The following TMEM254 variants were observed in gnomAD, a reference collection of about 807,000 sequenced individuals.
TMEM254 encodes transmembrane protein 254, also known as transmembrane protein C10orf57.
A neutral mutation model predicts 13.9 loss-of-function variants in TMEM254; 16 were observed. That is an observed-to-expected ratio of 1.15 (90% CI 0.78 to 1.75). The LOEUF (loss-of-function observed/expected upper bound fraction) is 1.75, where lower values mean the gene tolerates loss of function less well. Among genes scored for constraint, TMEM254 ranks in the 40% most tolerant of loss-of-function variants. The pLI, the probability that TMEM254 is intolerant of heterozygous loss-of-function variation, is 0.00. For synonymous variants in TMEM254, 61 were observed against 56.4 expected (o/e 1.08, Z -0.36); for missense variants, 155 against 149.0 (o/e 1.04, Z -0.21).
At chr10:80,090,720 T>A (rs754884315) in intron 3 of TMEM254, 77 bp from the exon 4 acceptor site, 38 of 1,381,902 alleles carry the variant, frequency 2.7e-5, no homozygotes, top group Non-Finnish European at 3.7e-5. Context: ...TTAAAAAATA[T>A]ATATATAGAA....
intron 1 of TMEM254, 191 bp downstream of exon 1, chr10:80,078,977 G>C (rs1843797040): frequency 6.5e-7 from 1 of 1,540,114 alleles, no homozygotes; most frequent in East Asian, 2.5e-5. Context: ...CCAGGGTCTT[G>C]GGCGGGCGCC....
intron 3 of TMEM254, 66 bp downstream of exon 3, chr10:80,082,270 C>T (rs1844077778): frequency 1.9e-6 from 3 of 1,553,912 alleles, no homozygotes; most frequent in Non-Finnish European, 8.9e-7. Context: ...AGAGCAGCCA[C>T]ATTTAAATAG....
intron 3 of TMEM254, among the ~76,000 whole-genome samples, chr10:80,089,526 C>G (rs575039433): frequency 1.3e-5 from 2 of 152,062 alleles, no homozygotes; most frequent in South Asian, 4.2e-4. Flanking sequence ...AACAAAAAAC[C>G]TAGCCAGGCA....
intron 1 of TMEM254, among the ~76,000 whole-genome samples, chr10:80,080,126 C>T (rs1564566416): frequency 6.6e-6 from 1 of 152,178 alleles, no homozygotes; most frequent in Non-Finnish European, 1.5e-5. Flanking sequence ...GATTTAGTGT[C>T]TGTGACTAGT....
At chr10:80,087,663 G>A (rs1326701233) in intron 3 of TMEM254, among the ~76,000 whole-genome samples, 1 of 151,884 alleles carries the variant, frequency 6.6e-6, no homozygotes, top group African/African-American at 2.4e-5. Context: ...AAAATAAAAC[G>A]AATGACTACT....
chr10:80,083,887 G>A (rs1279198569), intron 3 of TMEM254, among the ~76,000 whole-genome samples: 1 of 151,908 alleles, frequency 6.6e-6, no homozygotes, highest in African/African-American at 2.4e-5. Context: ...AACCATCCTG[G>A]CCAACATGAC....
Position 80,081,933 on chromosome 10 carries a change from CCTGTG to C in TMEM254, c.182_186del (p.Leu61GlnfsTer24), listed in dbSNP as rs750158228. 3 of 1,614,014 alleles carry C rather than the reference CCTGTG, an allele frequency of 1.9e-6. No homozygotes were observed. The South Asian group carries it at 3.3e-5, about 18-fold the overall frequency. ...ACTTGGTGGACCACCATCACACCCT[CCTGTG>C]CAATGGGTAAGGAGAGCTGCACAAG... On this transcript the variant is annotated frameshift_variant, in exon 2 of 4. Transcript: ENST00000372281. LOFTEE classifies it high-confidence loss of function.
At chr10:80,079,773 G>A in intron 1 of TMEM254, 1 of 861,294 alleles carries the variant, frequency 1.2e-6, no homozygotes, top group Non-Finnish European at 1.4e-6. Flanking sequence ...AGTGCAGTGG[G>A]GCGATCTCGG....
In TMEM254 at chr10:80,085,188, T is replaced by C. The variant is rs182982398; in HGVS notation, c.251+2984T>C. ...AGGCATAGAGGTTAGGTTACTCTTATGTTCTTGAAATCATTTATGGTCTAA... is the reference window on the plus strand; with the variant it reads ...AGGCATAGAGGTTAGGTTACTCTTACGTTCTTGAAATCATTTATGGTCTAA... On this transcript the variant is annotated intron_variant, in intron 3 of 3. Coordinates refer to ENST00000372281, the MANE Select transcript of TMEM254 (RefSeq NM_025125.4). Among the ~76,000 whole-genome samples, 87 of 152,254 alleles carry C rather than the reference T, an allele frequency of 5.7e-4. 1 individual carries two copies. Among genetic ancestry groups the C allele is most frequent in the African/African-American group, 1.3e-3 (52 of 41,526 alleles).
At chr10:80,085,034 A>G (rs1844241848) in intron 3 of TMEM254, among the ~76,000 whole-genome samples, 1 of 151,844 alleles carries the variant, frequency 6.6e-6, no homozygotes, top group Non-Finnish European at 1.5e-5. Flanking sequence ...GTTGGCCAGG[A>G]TGGTCTTGAT....
intron 3 of TMEM254, among the ~76,000 whole-genome samples, chr10:80,089,857 T>G (rs1414058202): frequency 2.0e-5 from 3 of 151,402 alleles, no homozygotes; most frequent in African/African-American, 7.3e-5. Flanking sequence ...TACAAAAAAT[T>G]AGCCAGGCGT....
At chr10:80,083,349 G>A (rs1225552137) in intron 3 of TMEM254, among the ~76,000 whole-genome samples, 2 of 152,046 alleles carry the variant, frequency 1.3e-5, no homozygotes, top group Non-Finnish European at 2.9e-5. Context: ...CAGGTGATCC[G>A]CCTGCCTTCG....
rs180761656 is a variant in TMEM254, at chr10:80,089,790, T to C, written c.252-1007T>C. On this transcript the variant is annotated intron_variant, in intron 3 of 3. Coordinates refer to ENST00000372281, the MANE Select transcript of TMEM254 (RefSeq NM_025125.4). ...AGGCCGAGGTGGGTGGATCACGAGG[T>C]CAAGAGATCGAGACCATCCTGGCTA... Among the ~76,000 whole-genome samples, 11 of 151,596 alleles carry C rather than the reference T, an allele frequency of 7.3e-5. No individual in the cohort carries two copies. In the East Asian group the frequency reaches 1.2e-3, roughly 16 times the overall value.
chr10:80,079,305 C>G (rs1843835631), intron 1 of TMEM254: 22 of 1,202,828 alleles, frequency 1.8e-5, no homozygotes, highest in Middle Eastern at 3.8e-4. Flanking sequence ...CTCGGTTACT[C>G]ATGTAAGCGG....
At chr10:80,078,885 G>A in intron 1 of TMEM254, 99 bp downstream of exon 1, 1 of 1,532,168 alleles carries the variant, frequency 6.5e-7, no homozygotes, top group Non-Finnish European at 8.8e-7. Flanking sequence ...GGGAAGTCGT[G>A]CAAGCACAAT....
intron 3 of TMEM254, chr10:80,086,265 G>A: frequency 2.7e-6 from 4 of 1,473,098 alleles, no homozygotes; most frequent in Non-Finnish European, 3.6e-6. Flanking sequence ...AAAGGTATGT[G>A]AATGAGAACA....
intron 1 of TMEM254, 188 bp from the exon 2 acceptor site, chr10:80,081,653 G>A (rs1844029367): frequency 4.5e-6 from 7 of 1,542,990 alleles, no homozygotes; most frequent in Non-Finnish European, 6.1e-6. Context: ...CAGCAGCGGA[G>A]TGAGACCCTG....
rs754452263 is a variant in TMEM254 at position 80,090,805 on chromosome 10, G to A, written c.260G>A (p.Gly87Asp). The change falls in exon 4 of 4, where the codon GGC becomes GAC. Residue 87 changes from glycine to aspartate, a missense_variant. By Grantham distance (94) the Gly-to-Asp change is moderately conservative. Coordinates refer to ENST00000372281, the MANE Select transcript of TMEM254 (RefSeq NM_025125.4). The stretch of plus-strand genomic sequence containing the variant: ...TGTTTTTTCTGTTTTAGGCATAAAG[G>A]CATCACAAGTGGTCGGGCTCAGCTA... ...LYAIVLCKHK[G>D]ITSGRAQLLW... The A allele has an allele frequency of 1.1e-5, 17 of 1,612,888 alleles. No homozygotes were observed. In the East Asian group the frequency reaches 2.9e-4, roughly 27 times the overall value.
At chr10:80,090,004 C>CA (rs376006872) in intron 3 of TMEM254, among the ~76,000 whole-genome samples, 476 of 84,916 alleles carry the variant, frequency 5.6e-3, no homozygotes, top group Non-Finnish European at 7.6e-3. Context: ...GACTCCATCT[C>CA]AAAAAAAAAA....
Sources: gnomAD v4.1 joint callset for allele counts (sites outside exome capture counted in the v4.1 genomes callset) on GRCh38, gnomAD v4.1.1 for gene constraint, MANE v1.5 for transcripts, NCBI Gene and HGNC (gene_info 2026-07-23, HGNC 2026-07-21) for gene names.